Variants in GMEB1 observed in about 807,000 individuals in gnomAD.
The protein encoded by GMEB1 is glucocorticoid modulatory element binding protein 1.
GMEB1 carries 6 observed loss-of-function variants against 52.4 expected under a neutral mutation model. That is an observed-to-expected ratio of 0.11 (90% CI 0.06 to 0.23). The LOEUF (loss-of-function observed/expected upper bound fraction) is 0.23, where lower values mean the gene tolerates loss of function less well. GMEB1 is among the 10% of genes least tolerant of loss of function. The probability of loss-of-function intolerance (pLI) is 1.00; values close to 1 mark genes in which losing one functional copy is unlikely to be tolerated. For missense variants in GMEB1, 486 were observed against 685.6 expected, an observed-to-expected ratio of 0.71 and a Z score of 3.25; for synonymous variants, 255 against 244.9, an observed-to-expected ratio of 1.04 and a Z score of -0.38.
At chr1:28,690,688 A>T (rs1219953760) in intron 3 of GMEB1, among the ~76,000 whole-genome samples, 1 of 152,174 alleles carries the variant, frequency 6.6e-6, no homozygotes, top group Non-Finnish European at 1.5e-5. Flanking sequence ...TAATTAATTT[A>T]AAAAACATCT....
intron 1 of GMEB1, among the ~76,000 whole-genome samples, chr1:28,677,320 C>T (rs1362345312): frequency 1.3e-5 from 2 of 151,320 alleles, no homozygotes; most frequent in African/African-American, 2.4e-5. Flanking sequence ...TGCAGTGGCA[C>T]GATCTCAGCT....
intron 2 of GMEB1, chr1:28,689,746 G>C (rs1217023002): frequency 1.7e-5 from 3 of 171,558 alleles, no homozygotes; most frequent in African/African-American, 7.1e-5. Flanking sequence ...GTAGCTTTCT[G>C]TTCACCCTTT....
At chr1:28,669,040 G>C (rs1049001915) in intron 1 of GMEB1, among the ~76,000 whole-genome samples, 5 of 145,994 alleles carry the variant, frequency 3.4e-5, no homozygotes, top group Non-Finnish European at 3.0e-5. Context: ...GCCGCGGGGG[G>C]GTGGGGGGAC....
At chr1:28,698,631 C>T (rs577081097) in intron 6 of GMEB1, among the ~76,000 whole-genome samples, 3 of 146,516 alleles carry the variant, frequency 2.0e-5, no homozygotes, top group East Asian at 4.1e-4. Context: ...GGCAAGATGG[C>T]GCCACTGCAC....
intron 2 of GMEB1, among the ~76,000 whole-genome samples, chr1:28,684,059 A>G (rs1307584035): frequency 2.0e-5 from 3 of 152,060 alleles, no homozygotes; most frequent in Admixed American, 2.0e-4. Context: ...GCTGGAATGC[A>G]GTGGTGCGAT....
At chr1:28,678,689 G>GCCTCCTGCAACCT (rs1669263141) in intron 1 of GMEB1, among the ~76,000 whole-genome samples, 1 of 152,074 alleles carries the variant, frequency 6.6e-6, no homozygotes, top group Non-Finnish European at 1.5e-5. Context: ...CACGATCTTG[G>GCCTCCTGCAACCT]CTCACTGCAA....
intron 2 of GMEB1, 131 bp downstream of exon 2, chr1:28,683,871 T>C: frequency 1.3e-6 from 1 of 781,136 alleles, no homozygotes; most frequent in Non-Finnish European, 2.1e-6. Flanking sequence ...TTTTCATCTG[T>C]ATAATATACT....
Position 28,714,835 on chromosome 1 carries a change from T to A in GMEB1, c.*62T>A. On this transcript the variant is annotated 3_prime_UTR_variant, in exon 10 of 10. Coordinates refer to ENST00000373816, the MANE Select transcript of GMEB1 (RefSeq NM_001319674.2). ...GGAATTTTAATTATTTGTTTATTTT[T>A]ATCATTGTCCCACTCATTTCCACAT... 8.5e-7 allele frequency: 1 copy of A among 1,171,082 alleles called. No homozygotes were observed. The highest frequency in any genetic ancestry group is 1.2e-6 in the Non-Finnish European group (1 of 813,468). The allele number at this position is 1,171,082 out of a possible 1,614,324, so 72.5% of individuals were successfully genotyped here. A position where few individuals can be genotyped will look rare whatever the true frequency, so the allele number is the denominator to read the frequency against.
chr1:28,677,755 C>T (rs1300262759), intron 1 of GMEB1, among the ~76,000 whole-genome samples: 2 of 152,038 alleles, frequency 1.3e-5, no homozygotes, highest in Non-Finnish European at 2.9e-5. Flanking sequence ...TCCTTTTTGG[C>T]CTTTTCTAGA....
chr1:28,714,712 C>T lies in GMEB1; in HGVS notation c.1631C>T (p.Ala544Val). The T allele has an allele frequency of 1.2e-6, 2 of 1,614,068 alleles. No individual in the cohort carries two copies. Among genetic ancestry groups the T allele is most frequent in the South Asian group, 1.1e-5 (1 of 91,078 alleles). ...TELRTEEKVVAEMEEHQHQVH... is the reference protein window; with the variant it reads ...TELRTEEKVVVEMEEHQHQVH... Reference sequence around the variant, plus strand: ...CTGAGGACTGAGGAGAAAGTTGTGGCTGAGATGGAAGAACACCAGCATCAA... The same window carrying T: ...CTGAGGACTGAGGAGAAAGTTGTGGTTGAGATGGAAGAACACCAGCATCAA... The change falls in exon 10 of 10, where the codon GCT (alanine) becomes GTT (valine). Residue 544 changes from alanine (A) to valine (V), a missense_variant. By Grantham distance (64) the Ala-to-Val change is moderately conservative. Transcript: ENST00000373816.
chr1:28,675,008 C>T (rs953365802), intron 1 of GMEB1, among the ~76,000 whole-genome samples: 6 of 131,912 alleles, frequency 4.5e-5, no homozygotes, highest in Admixed American at 3.1e-4. Context: ...CGTGAGCCAC[C>T]GCGCCCGGCC....
chr1:28,701,074 T>G (rs1670485252), intron 6 of GMEB1, among the ~76,000 whole-genome samples: 1 of 152,078 alleles, frequency 6.6e-6, no homozygotes, highest in Non-Finnish European at 1.5e-5. Flanking sequence ...TGGTTATATA[T>G]GCAGGTGGTC....
intron 1 of GMEB1, among the ~76,000 whole-genome samples, chr1:28,680,625 C>G (rs912231277): frequency 2.0e-4 from 30 of 152,074 alleles, no homozygotes; most frequent in African/African-American, 7.2e-4. Flanking sequence ...GTCCCAGCTA[C>G]TCAGGAGGCT....
At chr1:28,669,300 AG>A (rs940599297) in intron 1 of GMEB1, among the ~76,000 whole-genome samples, 3 of 151,772 alleles carry the variant, frequency 2.0e-5, no homozygotes, top group African/African-American at 7.3e-5. Context: ...GTATCCCCAA[AG>A]GCGGGGTCCG....
At chr1:28,697,883 TA>T (rs1478423936) in intron 6 of GMEB1, among the ~76,000 whole-genome samples, 1 of 152,046 alleles carries the variant, frequency 6.6e-6, no homozygotes, top group East Asian at 1.9e-4. Flanking sequence ...CTCACGCCTG[TA>T]ATCCCAGCAC....
chr1:28,705,484 C>T (rs1426111143), intron 8 of GMEB1, among the ~76,000 whole-genome samples: 1 of 144,048 alleles, frequency 6.9e-6, no homozygotes, highest in East Asian at 2.1e-4. Context: ...GAGTTTCACT[C>T]AGTCACCCAG....
rs1670023316 is a variant in GMEB1 at position 28,692,740 on chromosome 1, G to A, written c.337-202G>A. Among the ~76,000 whole-genome samples the A allele has an allele frequency of 2.6e-5, 4 of 151,994 alleles. 1 individual carries two copies. The South Asian group carries it at 8.3e-4, about 32-fold the overall frequency. ...CTCTGATCTCTGCATGTATTCTGTG[G>A]CTTTGTACCAGGAATTGAGACTATG... On this transcript the variant is annotated intron_variant, in intron 4 of 9. Coordinates refer to ENST00000373816, the MANE Select transcript of GMEB1 (RefSeq NM_001319674.2).
intron 1 of GMEB1, among the ~76,000 whole-genome samples, chr1:28,682,760 G>T (rs138687664): frequency 6.6e-6 from 1 of 152,188 alleles, no homozygotes; most frequent in African/African-American, 2.4e-5. Context: ...TATTTTAAAG[G>T]ATGGAGAACT....
intron 8 of GMEB1, among the ~76,000 whole-genome samples, chr1:28,705,873 G>A (rs1020617626): frequency 1.3e-5 from 2 of 151,592 alleles, no homozygotes; most frequent in East Asian, 2.0e-4. Context: ...TCTCATATTC[G>A]GCCGGGCGCG....
Sources: gnomAD v4.1 joint callset for allele counts (sites outside exome capture counted in the v4.1 genomes callset) on GRCh38, gnomAD v4.1.1 for gene constraint, MANE v1.5 for transcripts, NCBI Gene and HGNC (gene_info 2026-07-23, HGNC 2026-07-21) for gene names.